Variants in PTPRF observed in about 807,000 individuals in gnomAD.
PTPRF encodes protein tyrosine phosphatase receptor type F.
In PTPRF, 59 loss-of-function variants were observed where a neutral mutation model predicts 201.8. That is an observed-to-expected ratio of 0.29 (90% CI 0.24 to 0.36). The LOEUF (loss-of-function observed/expected upper bound fraction) is 0.36, where lower values mean the gene tolerates loss of function less well. PTPRF is among the 10% of genes least tolerant of loss of function. The probability of loss-of-function intolerance (pLI) is 1.00; values close to 1 mark genes in which losing one functional copy is unlikely to be tolerated. For synonymous variants in PTPRF, 1,088 were observed against 1,089.7 expected (o/e 1.00, Z 0.03); for missense variants, 2,132 against 2,690.5 (o/e 0.79, Z 4.59).
intron 7 of PTPRF, among the ~76,000 whole-genome samples, chr1:43,583,515 G>A (rs532806585): frequency 2.4e-4 from 37 of 152,270 alleles, no homozygotes; most frequent in Non-Finnish European, 4.7e-4. Flanking sequence ...ACCTTTCACC[G>A]CCCTCCTCGC....
chr1:43,533,697 G>GT (rs1643836034), intron 1 of PTPRF, among the ~76,000 whole-genome samples: 1 of 152,190 alleles, frequency 6.6e-6, no homozygotes, highest in East Asian at 1.9e-4. Flanking sequence ...TGCATCGTCA[G>GT]CAGTGGCAGT....
chr1:43,622,165 A>C lies in PTPRF; in HGVS notation c.*162A>C. 5.6e-6 allele frequency: 4 copies of C among 719,400 alleles called. No individual in the cohort carries two copies. Among genetic ancestry groups the C allele is most frequent in the African/African-American group, 1.7e-5 (1 of 57,180 alleles). 44.6% of individuals were successfully genotyped at this position (719,400 alleles called of 1,614,324 possible). On this transcript the variant is annotated 3_prime_UTR_variant, in exon 34 of 34. Transcript: ENST00000359947. Reference sequence around the variant, plus strand: ...GCGTTTCAGGAACGTTGCCACACCAATCAGAGAGCCTAGAACATCCCTGGG... The same window carrying C: ...GCGTTTCAGGAACGTTGCCACACCACTCAGAGAGCCTAGAACATCCCTGGG...
Position 43,588,697 on chromosome 1 carries a change from C to T in PTPRF, c.680-34C>T, listed in dbSNP as rs139918418. On this transcript the variant is annotated intron_variant, in intron 7 of 33. Coordinates refer to ENST00000359947, the MANE Select transcript of PTPRF (RefSeq NM_002840.5). This position sits in a 1 kb window ranked among gnomAD's most constrained non-coding sequence, Gnocchi z 5.3. The stretch of plus-strand genomic sequence containing the variant: ...CTTCCATGCAGTCGTGTGTCCTGCC[C>T]GGCCTGTGAGTGCCTCTCTCCCTCC... The T allele has an allele frequency of 3.1e-4, 493 of 1,608,062 alleles. 4 individuals carry two copies. In the East Asian group the frequency reaches 8.2e-3, roughly 27 times the overall value.
upstream of PTPRF, among the ~76,000 whole-genome samples, chr1:43,525,528 C>T (rs570082592): frequency 5.3e-5 from 8 of 152,084 alleles, no homozygotes; most frequent in Non-Finnish European, 1.0e-4. Flanking sequence ...TCAGGCCAGG[C>T]GTGGTGGCTC....
Position 43,606,331 on chromosome 1 carries a change from A to G in PTPRF, c.3575A>G (p.Asp1192Gly). The G allele has an allele frequency of 6.2e-7, 1 of 1,614,146 alleles. No individual in the cohort carries two copies. The highest frequency in any genetic ancestry group is 8.5e-7 in the Non-Finnish European group (1 of 1,180,024). The change falls in exon 20 of 34, where the codon GAT (aspartate) becomes GGT (glycine). Residue 1192 changes from aspartate (D) to glycine (G), a missense_variant. Asp to Gly is a moderately conservative substitution (Grantham distance 94). Transcript: ENST00000359947. Reference sequence around the variant, plus strand: ...AAGCCATATGTGGCTGCTCAACTGGATGTGCTCCCGGAGACCTTTACCTTG... The same window carrying G: ...AAGCCATATGTGGCTGCTCAACTGGGTGTGCTCCCGGAGACCTTTACCTTG... Reference protein sequence around the residue: ...RLKPYVAAQLDVLPETFTLGD... With the variant: ...RLKPYVAAQLGVLPETFTLGD...
chr1:43,578,766 C>A, intron 6 of PTPRF, 44 bp from the exon 7 acceptor site: 1 of 1,484,174 alleles, frequency 6.7e-7, no homozygotes, highest in Non-Finnish European at 9.3e-7. Context: ...CCAGGCCACA[C>A]TCGACATGGG....
intron 5 of PTPRF, among the ~76,000 whole-genome samples, chr1:43,556,423 A>C (rs1271750443): frequency 1.3e-5 from 2 of 152,088 alleles, no homozygotes; most frequent in African/African-American, 2.4e-5. Flanking sequence ...CACCACGCCC[A>C]GCTAATGTTT....
Position 43,617,736 on chromosome 1 carries a change from G to A in PTPRF, c.4196G>A (p.Gly1399Asp), listed in dbSNP as rs761012325. 21 of 1,612,050 alleles carry A rather than the reference G, an allele frequency of 1.3e-5. No homozygotes were observed. The highest frequency in any genetic ancestry group is 2.7e-5 in the African/African-American group (2 of 74,872). ...HSRVILTSID[G>D]VPGSDYINAN... ...CTCCCACCTCCTTTCTTATCCATAGGCGTCCCCGGGAGTGACTACATCAAT... is the reference window on the plus strand; with the variant it reads ...CTCCCACCTCCTTTCTTATCCATAGACGTCCCCGGGAGTGACTACATCAAT... The change falls in exon 25 of 34, where the codon GGC becomes GAC. Residue 1399 changes from glycine to aspartate, a missense_variant and splice_region_variant. Coordinates refer to ENST00000359947, the MANE Select transcript of PTPRF (RefSeq NM_002840.5).
chr1:43,572,834 G>T (rs983007581), intron 6 of PTPRF, among the ~76,000 whole-genome samples: 5 of 152,176 alleles, frequency 3.3e-5, no homozygotes, highest in Admixed American at 2.6e-4. Context: ...TCGAGACTCG[G>T]CCTAGGAGCT....
At position 43,597,957 on chromosome 1, in the gene PTPRF, G is replaced by A. The variant is rs555258971; in HGVS notation, c.2023G>A (p.Glu675Lys). 1 of 1,569,560 alleles carries A rather than the reference G, an allele frequency of 6.4e-7. No individual in the cohort carries two copies. Among genetic ancestry groups the A allele is most frequent in the South Asian group, 1.2e-5 (1 of 85,386 alleles). The change falls in exon 12 of 34, where the codon GAG (glutamate) becomes AAG (lysine). Residue 675 changes from glutamate to lysine, a missense_variant. Glu to Lys is a moderately conservative substitution (Grantham distance 56, BLOSUM62 1). This residue lies in a region of PTPRF where 125 missense variants were observed against 211.9 expected (regional missense o/e 0.59). Transcript: ENST00000359947. ...CTCCAGCTGGGACCTGGTGGGCCTG[G>A]AGAAGTGGACGGAGTACCGGGTGTG... The part of the protein sequence containing the change: ...EHSSWDLVGL[E>K]KWTEYRVWVR...
At chr1:43,568,303 A>G (rs908871278) in intron 5 of PTPRF, among the ~76,000 whole-genome samples, 2 of 151,932 alleles carry the variant, frequency 1.3e-5, no homozygotes, top group Non-Finnish European at 2.9e-5. Context: ...TCAAAAAAAA[A>G]AAAAAAGAAA....
intron 5 of PTPRF, among the ~76,000 whole-genome samples, chr1:43,565,832 GCGGACGCGCGCGCCTGCACGGACT>G (rs1383432994): frequency 1.2e-4 from 19 of 152,200 alleles, no homozygotes; most frequent in African/African-American, 3.9e-4. Context: ...AGGGCGGACA[GCGGACGCGCGCGCCTGCACGGACT>G]CGGGCACACG....
intron 13 of PTPRF, among the ~76,000 whole-genome samples, chr1:43,601,562 A>G (rs1040968815): frequency 1.3e-5 from 2 of 152,342 alleles, no homozygotes; most frequent in Non-Finnish European, 2.9e-5. Context: ...GTAATGTATG[A>G]TCACATCTGG....
At chr1:43,535,334 G>A (rs535990460) in intron 1 of PTPRF, among the ~76,000 whole-genome samples, 1 of 152,178 alleles carries the variant, frequency 6.6e-6, no homozygotes, top group Non-Finnish European at 1.5e-5. Context: ...TTTTGAGAAG[G>A]GGCAGCCTTG....
chr1:43,590,944 A>G (rs368281447), intron 8 of PTPRF, 28 bp from the exon 9 acceptor site: 24 of 1,573,548 alleles, frequency 1.5e-5, no homozygotes, highest in Non-Finnish European at 2.1e-5. Context: ...GACCTCGGGC[A>G]GCTTTGAGCC....
At chr1:43,580,383 C>T (rs985653528) in intron 7 of PTPRF, among the ~76,000 whole-genome samples, 1 of 152,172 alleles carries the variant, frequency 6.6e-6, no homozygotes, top group East Asian at 1.9e-4. Flanking sequence ...CCAGCCCATT[C>T]GGTGACCAGT....
chr1:43,528,742 C>A (rs1407326743), upstream of PTPRF: 1 of 152,118 alleles, frequency 6.6e-6, no homozygotes, highest in Non-Finnish European at 1.5e-5. Context: ...CTGCCTGAGA[C>A]GGGCAGTATT....
chr1:43,622,009 G>A lies in PTPRF; in HGVS notation c.*6G>A, dbSNP rs769423424. On this transcript the variant is annotated 3_prime_UTR_variant, in exon 34 of 34. Transcript: ENST00000359947. ...TTGACCACTATGCAACGTAACTACC[G>A]CTCCCCTCTCCTCCGCCACCCCCGC... 9.3e-6 allele frequency: 15 copies of A among 1,613,784 alleles called. No individual in the cohort carries two copies. Among genetic ancestry groups the A allele is most frequent in the South Asian group, 3.3e-5 (3 of 91,084 alleles).
At chr1:43,609,542 C>T in intron 22 of PTPRF, 44 bp downstream of exon 22, 1 of 1,504,460 alleles carries the variant, frequency 6.6e-7, no homozygotes, top group Non-Finnish European at 9.2e-7. Context: ...CCAGACCTAG[C>T]AGGCCTGTGG....
Sources: gnomAD v4.1 joint callset for allele counts (sites outside exome capture counted in the v4.1 genomes callset) on GRCh38, gnomAD v4.1.1 for gene constraint, gnomAD v4.1.1 regional missense constraint, Gnocchi (gnomAD v3.1) non-coding constraint, MANE v1.5 for transcripts, NCBI Gene and HGNC (gene_info 2026-07-23, HGNC 2026-07-21) for gene names.